The following LCLAT1 variants were observed in gnomAD, a reference collection of about 807,000 sequenced individuals.
The protein encoded by LCLAT1 is lysocardiolipin acyltransferase 1, also known as 1-AGP acyltransferase 8.
LCLAT1 carries 11 observed loss-of-function variants against 30.7 expected under a neutral mutation model. The ratio of observed to expected loss-of-function variants is 0.36; its 90% CI spans 0.23 to 0.59. The LOEUF (loss-of-function observed/expected upper bound fraction) is 0.59, where lower values mean the gene tolerates loss of function less well. Ranked by LOEUF, LCLAT1 falls within the 20% of genes least tolerant of loss-of-function variation. The pLI is 0.77. For missense variants in LCLAT1, 402 were observed against 458.6 expected, an observed-to-expected ratio of 0.88 and a Z score of 1.13; for synonymous variants, 155 against 151.3, an observed-to-expected ratio of 1.02 and a Z score of -0.18.
At chr2:30,466,555 T>C (rs1682441673) in intron 1 of LCLAT1, among the ~76,000 whole-genome samples, 1 of 152,260 alleles carries the variant, frequency 6.6e-6, no homozygotes, top group Non-Finnish European at 1.5e-5. Flanking sequence ...TTAGAAACTA[T>C]TTCAGTACAG....
chr2:30,461,997 C>T (rs1682169052), intron 1 of LCLAT1, among the ~76,000 whole-genome samples: 1 of 151,850 alleles, frequency 6.6e-6, no homozygotes, highest in Non-Finnish European at 1.5e-5. Context: ...TGGTCTCGAT[C>T]TCCTGACCTC....
At chr2:30,487,502 C>G (rs961013506) in intron 1 of LCLAT1, among the ~76,000 whole-genome samples, 1 of 152,068 alleles carries the variant, frequency 6.6e-6, no homozygotes, top group African/African-American at 2.4e-5. Flanking sequence ...GTTCTGGGCC[C>G]TGGGGGGTAC....
chr2:30,589,172 A>G (rs149586481), intron 5 of LCLAT1, among the ~76,000 whole-genome samples: 2 of 152,232 alleles, frequency 1.3e-5, no homozygotes, highest in Non-Finnish European at 2.9e-5. Flanking sequence ...TCCTACAGAC[A>G]TAGTTCTTTC....
At chr2:30,464,594 A>T (rs946480712) in intron 1 of LCLAT1, among the ~76,000 whole-genome samples, 2 of 152,206 alleles carry the variant, frequency 1.3e-5, no homozygotes, top group Non-Finnish European at 2.9e-5. Context: ...ATACGTGCAG[A>T]TAGGTAGTTT....
intron 5 of LCLAT1, among the ~76,000 whole-genome samples, chr2:30,593,664 A>G (rs913297747): frequency 1.3e-5 from 2 of 152,224 alleles, no homozygotes; most frequent in African/African-American, 4.8e-5. Flanking sequence ...TTTCTTTAAT[A>G]AACTATACTT....
At chr2:30,489,826 T>C (rs1683751280) in intron 1 of LCLAT1, among the ~76,000 whole-genome samples, 1 of 152,204 alleles carries the variant, frequency 6.6e-6, no homozygotes, top group Admixed American at 6.5e-5. Context: ...GTTGCTTCTG[T>C]ACAAGCAACC....
intron 5 of LCLAT1, among the ~76,000 whole-genome samples, chr2:30,598,841 C>T (rs538367629): frequency 1.3e-5 from 2 of 152,190 alleles, no homozygotes; most frequent in East Asian, 3.9e-4. Context: ...GATTCCAGTA[C>T]ATTATCTCTT....
intron 5 of LCLAT1, among the ~76,000 whole-genome samples, chr2:30,616,001 A>G (rs1372302789): frequency 3.3e-5 from 5 of 152,152 alleles, no homozygotes; most frequent in African/African-American, 7.2e-5. Flanking sequence ...AGACAGAGGG[A>G]GAGTTGTGGT....
chr2:30,554,448 A>AGTACC (rs1446862976), intron 3 of LCLAT1, among the ~76,000 whole-genome samples: 1 of 152,252 alleles, frequency 6.6e-6, no homozygotes, highest in Non-Finnish European at 1.5e-5. Flanking sequence ...GAGGTTGTTT[A>AGTACC]GTACCGTGAT....
chr2:30,537,424 GAAAA>G (rs1009474107), intron 3 of LCLAT1, among the ~76,000 whole-genome samples: 1 of 149,256 alleles, frequency 6.7e-6, no homozygotes, highest in Non-Finnish European at 1.5e-5. Context: ...TTAAAAAAAA[GAAAA>G]AAAACCTACA....
chr2:30,591,649 C>T (rs1666696579), intron 5 of LCLAT1, among the ~76,000 whole-genome samples: 1 of 152,084 alleles, frequency 6.6e-6, no homozygotes, highest in East Asian at 1.9e-4. Context: ...CCTGCTGTAA[C>T]CAGGCTCTGA....
chr2:30,541,181 C>T (rs949410103), intron 3 of LCLAT1, among the ~76,000 whole-genome samples: 6 of 151,954 alleles, frequency 3.9e-5, no homozygotes, highest in South Asian at 2.1e-4. Context: ...TAATCTTTTA[C>T]ATCATCTGGA....
At chr2:30,477,333 G>A (rs187562341) in intron 1 of LCLAT1, among the ~76,000 whole-genome samples, 2 of 152,264 alleles carry the variant, frequency 1.3e-5, no homozygotes, top group East Asian at 1.9e-4. Flanking sequence ...TGTTTGTGGT[G>A]TATTCAGGTT....
chr2:30,608,792 C>T (rs895750097), intron 5 of LCLAT1, among the ~76,000 whole-genome samples: 1 of 152,220 alleles, frequency 6.6e-6, no homozygotes, highest in East Asian at 1.9e-4. Flanking sequence ...ACACATCTCT[C>T]AGAACATATC....
At chr2:30,575,201 C>T (rs1665940484) in intron 5 of LCLAT1, among the ~76,000 whole-genome samples, 1 of 152,024 alleles carries the variant, frequency 6.6e-6, no homozygotes, top group South Asian at 2.1e-4. Context: ...GTTCCCTCTT[C>T]TTATTCTCAT....
chr2:30,602,859 C>G (rs993260503), intron 5 of LCLAT1, among the ~76,000 whole-genome samples: 3 of 152,104 alleles, frequency 2.0e-5, no homozygotes, highest in Non-Finnish European at 4.4e-5. Flanking sequence ...TGGTTGAATA[C>G]ATATACATTT....
intron 1 of LCLAT1, among the ~76,000 whole-genome samples, chr2:30,518,403 A>G (rs1685295891): frequency 6.6e-6 from 1 of 152,212 alleles, no homozygotes; most frequent in African/African-American, 2.4e-5. Flanking sequence ...AAAATTGTCT[A>G]ATAATTGGTC....
At chr2:30,622,120 G>A (rs1284636635) in intron 5 of LCLAT1, among the ~76,000 whole-genome samples, 4 of 152,124 alleles carry the variant, frequency 2.6e-5, no homozygotes, top group Non-Finnish European at 5.9e-5. Flanking sequence ...GGCTGCATGG[G>A]AACTGGGTGA....
At chr2:30,509,382 A>G (rs1476914780) in intron 1 of LCLAT1, among the ~76,000 whole-genome samples, 1 of 152,156 alleles carries the variant, frequency 6.6e-6, no homozygotes, top group Non-Finnish European at 1.5e-5. Flanking sequence ...TCCATTCAGT[A>G]TGATATTGGC....
Sources: gnomAD v4.1 joint callset for allele counts (sites outside exome capture counted in the v4.1 genomes callset) on GRCh38, gnomAD v4.1.1 for gene constraint, MANE v1.5 for transcripts, NCBI Gene and HGNC (gene_info 2026-07-23, HGNC 2026-07-21) for gene names.